Variants in PBX1 observed in about 807,000 individuals in gnomAD.
The protein encoded by PBX1 is pre-B-cell leukemia transcription factor 1.
In PBX1, 6 loss-of-function variants were observed where a neutral mutation model predicts 53.4. The observed-to-expected ratio is 0.11, with a 90% CI of 0.06 to 0.22. PBX1 has a LOEUF of 0.22. PBX1 is among the 10% of genes least tolerant of loss of function. PBX1 has a pLI of 1.00. For missense variants in PBX1, 251 were observed against 551.4 expected (o/e 0.46, Z 5.46); for synonymous variants, 204 against 212.3 (o/e 0.96, Z 0.34).
At chr1:164,747,948 T>C (rs556952125) in intron 2 of PBX1, among the ~76,000 whole-genome samples, 2 of 152,084 alleles carry the variant, frequency 1.3e-5, no homozygotes, top group African/African-American at 4.8e-5. Flanking sequence ...ACACAAATCA[T>C]GAGTATGCAT....
At chr1:164,705,542 A>G (rs1663377579) in intron 2 of PBX1, among the ~76,000 whole-genome samples, 1 of 152,192 alleles carries the variant, frequency 6.6e-6, no homozygotes, top group African/African-American at 2.4e-5. Context: ...ACATGTGTTT[A>G]TGGATATAAT....
chr1:164,847,064 T>C lies in PBX1; in HGVS notation c.*388T>C. Reference sequence around the variant, plus strand: ...ACAAAGAAAATAATAAAAGTGTTTGTACGTTTTCATGCTGGTGGTTTGAGG... The same window carrying C: ...ACAAAGAAAATAATAAAAGTGTTTGCACGTTTTCATGCTGGTGGTTTGAGG... On this transcript the variant is annotated 3_prime_UTR_variant, in exon 9 of 9. Coordinates refer to ENST00000420696, the MANE Select transcript of PBX1 (RefSeq NM_002585.4). The C allele has an allele frequency of 3.6e-6, 4 of 1,108,088 alleles. No individual in the cohort carries two copies. Among genetic ancestry groups the C allele is most frequent in the Non-Finnish European group, 4.4e-6 (4 of 903,604 alleles). The allele number at this position is 1,108,088 out of a possible 1,614,324, so 68.6% of individuals were successfully genotyped here. A position where few individuals can be genotyped will look rare whatever the true frequency, so the allele number is the denominator to read the frequency against.
chr1:164,847,677 G>T lies in PBX1; in HGVS notation c.*1001G>T, dbSNP rs2102422558. 1 of 1,058,258 alleles carries T rather than the reference G, an allele frequency of 9.4e-7. No homozygotes were observed. Among genetic ancestry groups the T allele is most frequent in the Non-Finnish European group, 1.1e-6 (1 of 874,936 alleles). 65.6% of individuals were successfully genotyped at this position (1,058,258 alleles called of 1,614,324 possible). On this transcript the variant is annotated 3_prime_UTR_variant, in exon 9 of 9. Transcript: ENST00000420696. Reference sequence around the variant, plus strand: ...CCATCTCACATCTTCACTTTCCCGAGATGCCATATACAATTACCTACATTA... The same window carrying T: ...CCATCTCACATCTTCACTTTCCCGATATGCCATATACAATTACCTACATTA...
intron 2 of PBX1, chr1:164,674,584 T>C (rs1287051644): frequency 1.3e-5 from 2 of 152,208 alleles, no homozygotes; most frequent in African/African-American, 4.8e-5. Flanking sequence ...GATAATTCTG[T>C]GGTGGGGAAA....
At chr1:164,728,724 T>A (rs1664827689) in intron 2 of PBX1, among the ~76,000 whole-genome samples, 1 of 152,176 alleles carries the variant, frequency 6.6e-6, no homozygotes, top group African/African-American at 2.4e-5. Flanking sequence ...TATATAAAAA[T>A]TTTTTTATTC....
intron 2 of PBX1, among the ~76,000 whole-genome samples, chr1:164,565,268 A>G (rs1653352407): frequency 6.6e-6 from 1 of 152,170 alleles, no homozygotes. Flanking sequence ...AAAGTTTTGT[A>G]TTTTAAATTT....
chr1:164,706,794 G>A (rs1663449846), intron 2 of PBX1, among the ~76,000 whole-genome samples: 1 of 152,114 alleles, frequency 6.6e-6, no homozygotes, highest in South Asian at 2.1e-4. Flanking sequence ...GCTAAGTGGG[G>A]GAATCTTGCT....
At chr1:164,706,891 C>A (rs1012214482) in intron 2 of PBX1, among the ~76,000 whole-genome samples, 7 of 152,178 alleles carry the variant, frequency 4.6e-5, no homozygotes. Context: ...GAAAAATAAA[C>A]CTTTAGTCAA....
intron 8 of PBX1, chr1:164,831,341 A>C (rs1300907746): frequency 6.6e-6 from 1 of 152,044 alleles, no homozygotes; most frequent in African/African-American, 2.4e-5. Context: ...AATTGTACAC[A>C]ACTAAATGTG....
At chr1:164,728,397 A>C (rs1664814108) in intron 2 of PBX1, among the ~76,000 whole-genome samples, 1 of 152,102 alleles carries the variant, frequency 6.6e-6, no homozygotes. Context: ...AGAAGTGAGC[A>C]AGAAGCCCAC....
chr1:164,734,110 T>A (rs1016606529), intron 2 of PBX1, among the ~76,000 whole-genome samples: 3 of 152,220 alleles, frequency 2.0e-5, no homozygotes, highest in Non-Finnish European at 2.9e-5. Flanking sequence ...TAATGGACAT[T>A]TGAATGCATG....
chr1:164,620,361 C>T (rs1657588213), intron 2 of PBX1, among the ~76,000 whole-genome samples: 1 of 152,072 alleles, frequency 6.6e-6, no homozygotes, highest in African/African-American at 2.4e-5. Flanking sequence ...GTAATTCTAG[C>T]TAATTCTAAT....
At chr1:164,662,066 C>T (rs747773508) in intron 2 of PBX1, among the ~76,000 whole-genome samples, 1 of 152,144 alleles carries the variant, frequency 6.6e-6, no homozygotes, top group Non-Finnish European at 1.5e-5. Context: ...TGGCTCAAGT[C>T]TGTAATCCCA....
At chr1:164,653,580 C>G (rs926719207) in intron 2 of PBX1, among the ~76,000 whole-genome samples, 2 of 152,038 alleles carry the variant, frequency 1.3e-5, no homozygotes, top group African/African-American at 2.4e-5. Flanking sequence ...CGAGACCAGC[C>G]TGGCCAACGT....
intron 2 of PBX1, among the ~76,000 whole-genome samples, chr1:164,623,174 A>G (rs1048853668): frequency 6.6e-6 from 1 of 152,218 alleles, no homozygotes; most frequent in African/African-American, 2.4e-5. Context: ...GCATGTCTAT[A>G]ATCTCTGGAG....
At chr1:164,573,227 G>A (rs187972701) in intron 2 of PBX1, among the ~76,000 whole-genome samples, 2 of 151,824 alleles carry the variant, frequency 1.3e-5, no homozygotes, top group East Asian at 3.9e-4. Flanking sequence ...GAGATATTTT[G>A]CATTCTTTTT....
intron 2 of PBX1, among the ~76,000 whole-genome samples, chr1:164,651,234 G>A (rs1308560630): frequency 2.0e-5 from 3 of 147,844 alleles, no homozygotes; most frequent in African/African-American, 8.0e-5. Context: ...TCAGCTTTGG[G>A]GAGGGGGTGG....
At chr1:164,587,796 G>A (rs949468656) in intron 2 of PBX1, among the ~76,000 whole-genome samples, 2 of 152,122 alleles carry the variant, frequency 1.3e-5, no homozygotes, top group African/African-American at 4.8e-5. Flanking sequence ...CCTCACACGC[G>A]CCACACCAGG....
intron 2 of PBX1, among the ~76,000 whole-genome samples, chr1:164,766,599 C>T (rs1667067071): frequency 6.6e-6 from 1 of 152,052 alleles, no homozygotes. Flanking sequence ...TATCCCACGC[C>T]CTCTGATTCC....
Sources: gnomAD v4.1 joint callset for allele counts (sites outside exome capture counted in the v4.1 genomes callset) on GRCh38, gnomAD v4.1.1 for gene constraint, MANE v1.5 for transcripts, NCBI Gene and HGNC (gene_info 2026-07-23, HGNC 2026-07-21) for gene names.